Variants in ZNF471 observed in about 807,000 individuals in gnomAD.
ZNF471 encodes the protein EZFIT-related protein 1.
ZNF471 carries 7 observed loss-of-function variants against 13.7 expected under a neutral mutation model. That is an observed-to-expected ratio of 0.51 (90% CI 0.29 to 0.96). The LOEUF is 0.96. Ranked by LOEUF, ZNF471 falls within the 40% of genes least tolerant of loss-of-function variation. ZNF471 has a pLI of 0.08. For synonymous variants in ZNF471, 218 were observed against 235.6 expected (o/e 0.93, Z 0.68); for missense variants, 663 against 743.3 (o/e 0.89, Z 1.26).
In ZNF471 at chr19:56,508,088, G is replaced by A. The variant is rs1176998452; in HGVS notation, c.-56+168G>A. On this transcript the variant is annotated intron_variant, in intron 1 of 4. Coordinates refer to ENST00000308031, the MANE Select transcript of ZNF471 (RefSeq NM_020813.4). This position sits in a 1 kb window ranked among gnomAD's most constrained non-coding sequence, Gnocchi z 4.7. ...GCGCGCGTACTCGAGTCTGCGGGGC[G>A]GAGGCCGCGGCTCGGGGCTGCTGGG... The A allele has an allele frequency of 1.0e-6, 1 of 984,900 alleles. No homozygotes were observed. Among genetic ancestry groups the A allele is most frequent in the Non-Finnish European group, 1.2e-6 (1 of 829,542 alleles). The allele number at this position is 984,900 out of a possible 1,614,324, so 61.0% of individuals were successfully genotyped here. A position where few individuals can be genotyped will look rare whatever the true frequency, so the allele number is the denominator to read the frequency against.
In ZNF471 at chr19:56,527,552, C is replaced by T. The variant is rs1350689651; in HGVS notation, c.*1604C>T. 6.6e-6 allele frequency: 1 copy of T among 152,022 alleles called. No individual in the cohort carries two copies. Among genetic ancestry groups the T allele is most frequent in the Non-Finnish European group, 1.5e-5 (1 of 68,012 alleles). The allele number at this position is 152,022 out of a possible 1,614,324, so 9.4% of individuals were successfully genotyped here. ...CTGAGCTAAAGGAGCATGTTCTAAC[C>T]CAATGCAAGGAAGCTAAGAACCTTG... is the stretch of plus-strand genomic sequence containing the variant. On this transcript the variant is annotated 3_prime_UTR_variant, in exon 5 of 5. Transcript: ENST00000308031.
Position 56,524,555 on chromosome 19 carries a change from A to C in ZNF471, c.488A>C (p.Lys163Thr), listed in dbSNP as rs1458574807. Residue 163 changes from lysine (K) to threonine (T), a missense_variant, in exon 5 of 5, where the codon AAA (lysine) becomes ACA (threonine). Lys to Thr is a moderately conservative substitution (Grantham distance 78). Transcript: ENST00000308031. The surrounding 1 kb of genome is among the most constrained non-coding windows in gnomAD (Gnocchi z 4.8). ...ITKETEFKYT[K>T]FGKCIHLENI... ...AAGGAAACAGAATTCAAATATACTA[A>C]ATTTGGGAAATGTATCCATCTGGAA... is the stretch of plus-strand genomic sequence containing the variant. The C allele has an allele frequency of 1.3e-5, 21 of 1,597,538 alleles. No individual in the cohort carries two copies. The highest frequency in any genetic ancestry group is 1.7e-5 in the Non-Finnish European group (20 of 1,175,550).
In ZNF471 at chr19:56,527,661, T is replaced by G. The variant is rs559316878; in HGVS notation, c.*1713T>G. 3.3e-5 allele frequency: 5 copies of G among 152,194 alleles called. No individual in the cohort carries two copies. The highest frequency in any genetic ancestry group is 7.3e-5 in the Non-Finnish European group (5 of 68,044). 9.4% of individuals were successfully genotyped at this position (152,194 alleles called of 1,614,324 possible). A position where few individuals can be genotyped will look rare whatever the true frequency, so the allele number is the denominator to read the frequency against. Reference sequence around the variant, plus strand: ...CCTGATGGAGCTGAAAAACACAGCATGAGAACTTCGTGAAGCATACAGAAG... The same window carrying G: ...CCTGATGGAGCTGAAAAACACAGCAGGAGAACTTCGTGAAGCATACAGAAG... On this transcript the variant is annotated 3_prime_UTR_variant, in exon 5 of 5. Transcript: ENST00000308031.
chr19:56,519,919 G>C (rs1410701111), intron 4 of ZNF471, among the ~76,000 whole-genome samples: 1 of 152,220 alleles, frequency 6.6e-6, no homozygotes, highest in Non-Finnish European at 1.5e-5. Context: ...CATCCATGCT[G>C]TATGCCCTAC....
At position 56,525,570 on chromosome 19, in the gene ZNF471, G is replaced by A; in HGVS notation, c.1503G>A (p.Gln501=). Residue 501 remains glutamine (Q), a synonymous_variant, in exon 5 of 5, where the codon CAG becomes CAA. Transcript: ENST00000308031. ...GAAAAGCTTTTAGAATCAGTTCACA[G>A]CTGGCTACTCATCAGAGAATTCATA... ...ECGKAFRISS[Q]LATHQRIHTG... 1 of 1,613,914 alleles carries A rather than the reference G, an allele frequency of 6.2e-7. No homozygotes were observed. The highest frequency in any genetic ancestry group is 8.5e-7 in the Non-Finnish European group (1 of 1,179,984).
At chr19:56,519,220 C>T (rs1459492312) in intron 4 of ZNF471, among the ~76,000 whole-genome samples, 1 of 152,138 alleles carries the variant, frequency 6.6e-6, no homozygotes, top group African/African-American at 2.4e-5. Context: ...CTGATTGCCT[C>T]TGAGTCACAG....
At position 56,525,679 on chromosome 19, in the gene ZNF471, A is replaced by G. The variant is rs748374238; in HGVS notation, c.1612A>G (p.Thr538Ala). Reference protein sequence around the residue: ...SHLAQHQKTHTGEKPYECNEC... With the variant: ...SHLAQHQKTHAGEKPYECNEC... ...CCTTGCCCAACATCAGAAAACTCAT[A>G]CAGGAGAGAAACCTTATGAGTGTAA... Residue 538 changes from threonine (T) to alanine (A), a missense_variant, in exon 5 of 5, where the codon ACA (threonine) becomes GCA (alanine). Transcript: ENST00000308031. 25 of 1,614,014 alleles carry G rather than the reference A, an allele frequency of 1.5e-5. No individual in the cohort carries two copies. Among genetic ancestry groups the G allele is most frequent in the South Asian group, 2.2e-5 (2 of 91,084 alleles).
chr19:56,511,361 A>T (rs1444468236), intron 1 of ZNF471, among the ~76,000 whole-genome samples, 156 bp from the exon 2 acceptor site: 1 of 151,998 alleles, frequency 6.6e-6, no homozygotes, highest in Non-Finnish European at 1.5e-5. Context: ...GAAAAAAAAA[A>T]ACCGTTATGA....
In ZNF471 at chr19:56,524,303, C is replaced by CT. The variant is rs142277230; in HGVS notation, c.257-13dup. On this transcript the variant is annotated intron_variant, in intron 4 of 4. Transcript: ENST00000308031. This position sits in a 1 kb window ranked among gnomAD's most constrained non-coding sequence, Gnocchi z 4.8. ...TAGCCCATGATAAAGGGAACATTCA[C>CT]TTTTTTTTAATATCTTTCAGATTGG... The CT allele has an allele frequency of 0.17, 254,950 of 1,476,290 alleles. 22,426 individuals carry two copies. The highest frequency in any genetic ancestry group is 0.21 in the Middle Eastern group (1,155 of 5,562). The allele number at this position is 1,476,290 out of a possible 1,614,324, so 91.4% of individuals were successfully genotyped here.
At chr19:56,513,080 C>G (rs2043832611) in intron 2 of ZNF471, among the ~76,000 whole-genome samples, 1 of 152,164 alleles carries the variant, frequency 6.6e-6, no homozygotes, top group Non-Finnish European at 1.5e-5. Context: ...CCTGAAGTCA[C>G]AAGCACCATA....
intron 4 of ZNF471, among the ~76,000 whole-genome samples, chr19:56,523,644 C>T (rs542886961): frequency 2.2e-4 from 33 of 152,046 alleles, no homozygotes; most frequent in South Asian, 4.2e-4. Flanking sequence ...AGTAGTGATA[C>T]GATATTGGTA....
In ZNF471 at chr19:56,510,005, TGA is replaced by T; in HGVS notation, c.-55-1508_-55-1507del. The T allele has an allele frequency of 1.0e-6, 1 of 985,472 alleles. No homozygotes were observed. The highest frequency in any genetic ancestry group is 1.2e-6 in the Non-Finnish European group (1 of 829,988). The allele number at this position is 985,472 out of a possible 1,614,324, so 61.0% of individuals were successfully genotyped here. ...TCTGAGTAAAAGCAAGAGACTAGAC[TGA>T]GAGTTCAGTGATTGGGAGAGACTGG... On this transcript the variant is annotated intron_variant, in intron 1 of 4. Coordinates refer to ENST00000308031, the MANE Select transcript of ZNF471 (RefSeq NM_020813.4). This position sits in a 1 kb window ranked among gnomAD's most constrained non-coding sequence, Gnocchi z 4.3.
rs572322731 is a variant in ZNF471 at position 56,526,309 on chromosome 19, G to A, written c.*361G>A. 4.1e-5 allele frequency: 8 copies of A among 196,166 alleles called. No individual in the cohort carries two copies. Among genetic ancestry groups the A allele is most frequent in the African/African-American group, 1.9e-4 (8 of 42,914 alleles). The allele number at this position is 196,166 out of a possible 1,614,324, so 12.2% of individuals were successfully genotyped here. A position where few individuals can be genotyped will look rare whatever the true frequency, so the allele number is the denominator to read the frequency against. ...GCCAAGGGAAGCCATGAGGGACTGT[G>A]CCATGAGGAATGGTGCACTCCGGCA... On this transcript the variant is annotated 3_prime_UTR_variant, in exon 5 of 5. Coordinates refer to ENST00000308031, the MANE Select transcript of ZNF471 (RefSeq NM_020813.4).
At position 56,530,058 on chromosome 19, in the gene ZNF471, T is replaced by C. The variant is rs1157898772; in HGVS notation, c.*4110T>C. 2.6e-5 allele frequency: 4 copies of C among 152,236 alleles called. No homozygotes were observed. Among genetic ancestry groups the C allele is most frequent in the African/African-American group, 9.6e-5 (4 of 41,460 alleles). 9.4% of individuals were successfully genotyped at this position (152,236 alleles called of 1,614,324 possible). ...TATTAAAGTTATGGGTTACTTAAGTTACAGAAAATCAGTTTAGTAGATCAC... is the reference window on the plus strand; with the variant it reads ...TATTAAAGTTATGGGTTACTTAAGTCACAGAAAATCAGTTTAGTAGATCAC... On this transcript the variant is annotated 3_prime_UTR_variant, in exon 5 of 5. Coordinates refer to ENST00000308031, the MANE Select transcript of ZNF471 (RefSeq NM_020813.4).
chr19:56,510,712 G>C lies in ZNF471; in HGVS notation c.-55-805G>C. 2.0e-6 allele frequency: 2 copies of C among 985,500 alleles called. No homozygotes were observed. Among genetic ancestry groups the C allele is most frequent in the South Asian group, 4.7e-5 (1 of 21,282 alleles). 61.0% of individuals were successfully genotyped at this position (985,500 alleles called of 1,614,324 possible). A position where few individuals can be genotyped will look rare whatever the true frequency, so the allele number is the denominator to read the frequency against. ...CCTGTATGACTGCTGTGTATGGAGA[G>C]ACTACTTGGAAGATTGATAGGATTG... On this transcript the variant is annotated intron_variant, in intron 1 of 4. Transcript: ENST00000308031. The surrounding 1 kb of genome is among the most constrained non-coding windows in gnomAD (Gnocchi z 4.3).
chr19:56,510,921 G>A lies in ZNF471; in HGVS notation c.-55-596G>A, dbSNP rs78152612. The A allele has an allele frequency of 0.016, 15,913 of 985,540 alleles. 172 individuals carry two copies. Among genetic ancestry groups the A allele is most frequent in the East Asian group, 0.1 (920 of 8,782 alleles). The allele number at this position is 985,540 out of a possible 1,614,324, so 61.0% of individuals were successfully genotyped here. A position where few individuals can be genotyped will look rare whatever the true frequency, so the allele number is the denominator to read the frequency against. ...GGAGGGTAATTAAGGGGCTGGGACA[G>A]AGGTGAGAGTGAAAGTGGCAGAATT... On this transcript the variant is annotated intron_variant, in intron 1 of 4. Transcript: ENST00000308031. This position sits in a 1 kb window ranked among gnomAD's most constrained non-coding sequence, Gnocchi z 4.3.
Position 56,525,857 on chromosome 19 carries a change from G to T in ZNF471, c.1790G>T (p.Arg597Met). ...AQHQRLHTGQ[R>M]PYQCFECGKA... The stretch of plus-strand genomic sequence containing the variant: ...CATCAAAGACTCCACACTGGCCAAA[G>T]GCCCTATCAGTGTTTTGAATGTGGG... The change falls in exon 5 of 5, where the codon AGG becomes ATG. Residue 597 changes from arginine (R) to methionine (M), a missense_variant. Physicochemically the swap from Arg to Met is moderately conservative, Grantham distance 91 (BLOSUM62 -1). Transcript: ENST00000308031. The T allele has an allele frequency of 6.2e-7, 1 of 1,608,916 alleles. No individual in the cohort carries two copies. Among genetic ancestry groups the T allele is most frequent in the Non-Finnish European group, 8.5e-7 (1 of 1,178,648 alleles).
intron 2 of ZNF471, among the ~76,000 whole-genome samples, chr19:56,512,069 A>C (rs933567191): frequency 5.9e-5 from 9 of 151,954 alleles, no homozygotes; most frequent in Non-Finnish European, 1.2e-4. Context: ...TGAATTACCA[A>C]CCTCATTCGT....
chr19:56,514,059 A>ATTTTTTTT (rs57705988), intron 2 of ZNF471, among the ~76,000 whole-genome samples: 22 of 116,672 alleles, frequency 1.9e-4, no homozygotes, highest in East Asian at 4.6e-4. Flanking sequence ...TAACTTTTTA[A>ATTTTTTTT]TTTTTTTTTT....
Sources: gnomAD v4.1 joint callset for allele counts (sites outside exome capture counted in the v4.1 genomes callset) on GRCh38, gnomAD v4.1.1 for gene constraint, Gnocchi (gnomAD v3.1) non-coding constraint, MANE v1.5 for transcripts, NCBI Gene and HGNC (gene_info 2026-07-23, HGNC 2026-07-21) for gene names.